Variants in PCDHA11 observed in about 807,000 individuals in gnomAD.
PCDHA11 encodes protocadherin alpha 11.
Under a neutral mutation model 70.3 loss-of-function variants are expected in PCDHA11, and 61 were observed. The observed-to-expected ratio is 0.87, with a 90% CI of 0.71 to 1.07. The LOEUF is 1.07. PCDHA11 is among the 50% of genes least tolerant of loss of function. The pLI is 0.00. For missense variants in PCDHA11, 1,324 were observed against 1,237.5 expected (o/e 1.07, Z -1.05); for synonymous variants, 633 against 555.1 (o/e 1.14, Z -1.97).
At chr5:140,966,697 G>T (rs2096039921) in intron 1 of PCDHA11, 1 of 1,363,184 alleles carries the variant, frequency 7.3e-7, no homozygotes, top group Admixed American at 3.6e-5. Context: ...GCGGGGCCCG[G>T]GCGTGGGGCA....
At chr5:140,902,324 C>A (rs1554190388) in intron 1 of PCDHA11, among the ~76,000 whole-genome samples, 1 of 151,472 alleles carries the variant, frequency 6.6e-6, no homozygotes, top group Non-Finnish European at 1.5e-5. Context: ...AGGTGTAACT[C>A]ACTTCGCCTG....
chr5:140,995,102 C>A (rs976806158), intron 3 of PCDHA11, among the ~76,000 whole-genome samples: 3 of 152,312 alleles, frequency 2.0e-5, no homozygotes, highest in Middle Eastern at 6.8e-3. Context: ...GAGATACATT[C>A]CAAGACCCTC....
Position 140,870,351 on chromosome 5 carries a change from C to G in PCDHA11, c.1248C>G (p.Asn416Lys), listed in dbSNP as rs958022470. 4 of 1,614,202 alleles carry G rather than the reference C, an allele frequency of 2.5e-6. No homozygotes were observed. Among genetic ancestry groups the G allele is most frequent in the Non-Finnish European group, 3.4e-6 (4 of 1,180,030 alleles). Residue 416 changes from asparagine (N) to lysine (K), a missense_variant, in exon 1 of 4, where the codon AAC becomes AAG. By Grantham distance (94) the Asn-to-Lys change is moderately conservative. Transcript: ENST00000398640. ...LVLDSALDRENVWAYELVVTA... is the reference protein window; with the variant it reads ...LVLDSALDREKVWAYELVVTA... ...TGGACAGCGCCCTGGACCGCGAGAA[C>G]GTGTGGGCCTATGAACTGGTGGTGA...
chr5:140,872,711 G>A (rs968537483), intron 1 of PCDHA11, among the ~76,000 whole-genome samples: 1 of 152,206 alleles, frequency 6.6e-6, no homozygotes, highest in South Asian at 2.1e-4. Context: ...AAGGAAACTA[G>A]GTAAATAAAA....
At chr5:140,877,730 A>C in intron 1 of PCDHA11, 1 of 1,614,146 alleles carries the variant, frequency 6.2e-7, no homozygotes, top group Non-Finnish European at 8.5e-7. Context: ...TACTCGCAGC[A>C]GAGGAGGCAG....
intron 1 of PCDHA11, among the ~76,000 whole-genome samples, chr5:140,906,089 A>G (rs13182228): frequency 0.33 from 49,632 of 151,980 alleles, 8,394 homozygotes; most frequent in East Asian, 0.53. Flanking sequence ...CCAGACTGAG[A>G]GTAAGTGTGT....
chr5:140,907,733 A>C (rs2073566986), intron 1 of PCDHA11, among the ~76,000 whole-genome samples: 1 of 152,162 alleles, frequency 6.6e-6, no homozygotes, highest in Non-Finnish European at 1.5e-5. Context: ...CATCCCTGCC[A>C]CCATGGCCAC....
intron 1 of PCDHA11, chr5:140,929,046 C>CT (rs1229193922): frequency 6.2e-7 from 1 of 1,614,206 alleles, no homozygotes; most frequent in Non-Finnish European, 8.5e-7. Flanking sequence ...CTCAGAGCTG[C>CT]TGTCGCTCTA....
At chr5:140,974,291 A>G (rs1417274006) in intron 1 of PCDHA11, among the ~76,000 whole-genome samples, 1 of 152,196 alleles carries the variant, frequency 6.6e-6, no homozygotes, top group Admixed American at 6.5e-5. Context: ...CTGGGCTCCA[A>G]GGAGGTACAA....
chr5:140,884,609 G>C (rs1554181782), intron 1 of PCDHA11: 4 of 1,614,138 alleles, frequency 2.5e-6, no homozygotes, highest in African/African-American at 1.3e-5. Flanking sequence ...TCCTTGTCTG[G>C]GTTCTGCAGA....
intron 1 of PCDHA11, among the ~76,000 whole-genome samples, chr5:140,945,947 A>C (rs2093865061): frequency 6.6e-6 from 1 of 152,132 alleles, no homozygotes; most frequent in Non-Finnish European, 1.5e-5. Flanking sequence ...TTTTTATATG[A>C]CCCTGAAAGC....
chr5:140,952,822 G>A (rs1364476088), intron 1 of PCDHA11, among the ~76,000 whole-genome samples: 3 of 152,184 alleles, frequency 2.0e-5, no homozygotes, highest in Non-Finnish European at 4.4e-5. Context: ...TGTACAGGAA[G>A]CATGATGCTG....
At chr5:141,000,414 TATATA>T (rs1398508145) in intron 3 of PCDHA11, among the ~76,000 whole-genome samples, 89 of 99,526 alleles carry the variant, frequency 8.9e-4, no homozygotes, top group African/African-American at 1.6e-3. Context: ...TATATATATA[TATATA>T]TATTTTTTTT....
rs1554204719 is a variant in PCDHA11, at chr5:140,927,550, A to G, written c.2392-51399A>G. 4.3e-6 allele frequency: 7 copies of G among 1,614,020 alleles called. No homozygotes were observed. In the Admixed American group the frequency reaches 8.3e-5, roughly 19 times the overall value. ...TGCCCGCTCAGGAGACGCACAAGTC[A>G]CCATCATTGTGGTGGACACAAATGA... On this transcript the variant is annotated intron_variant, in intron 1 of 3. Coordinates refer to ENST00000398640, the MANE Select transcript of PCDHA11 (RefSeq NM_018902.5).
At chr5:140,964,213 A>G (rs1338010666) in intron 1 of PCDHA11, among the ~76,000 whole-genome samples, 10 of 152,210 alleles carry the variant, frequency 6.6e-5, no homozygotes, top group African/African-American at 1.9e-4. Flanking sequence ...CTTTAGTACA[A>G]TGTCTTTCAA....
chr5:140,978,704 G>A (rs1250477330), intron 1 of PCDHA11, among the ~76,000 whole-genome samples: 1 of 152,242 alleles, frequency 6.6e-6, no homozygotes, highest in African/African-American at 2.4e-5. Flanking sequence ...GCCAAAGGTG[G>A]CCTTTACAAG....
At chr5:140,893,141 C>A (rs1412974583) in intron 1 of PCDHA11, among the ~76,000 whole-genome samples, 1 of 152,192 alleles carries the variant, frequency 6.6e-6, no homozygotes, top group African/African-American at 2.4e-5. Flanking sequence ...TTTATCCACT[C>A]ATCTGTTGAT....
intron 2 of PCDHA11, among the ~76,000 whole-genome samples, chr5:140,981,645 A>G (rs2096941816): frequency 6.6e-6 from 1 of 152,126 alleles, no homozygotes; most frequent in Admixed American, 6.6e-5. Context: ...TTCTCTTAGG[A>G]TCCCACTTAT....
chr5:140,920,129 A>T lies in PCDHA11; in HGVS notation c.2391+48635A>T, dbSNP rs369489887. Among the ~76,000 whole-genome samples, 8 of 152,262 alleles carry T rather than the reference A, an allele frequency of 5.3e-5. No homozygotes were observed. The South Asian group carries it at 1.7e-3, about 32-fold the overall frequency. ...CAACCTTGCCAACATCTTGAGTTTT[A>T]ATTCTCCTCTCCAAACCTGGGAGAA... On this transcript the variant is annotated intron_variant, in intron 1 of 3. Transcript: ENST00000398640.
Sources: gnomAD v4.1 joint callset for allele counts (sites outside exome capture counted in the v4.1 genomes callset) on GRCh38, gnomAD v4.1.1 for gene constraint, MANE v1.5 for transcripts, NCBI Gene and HGNC (gene_info 2026-07-23, HGNC 2026-07-21) for gene names.